The following BICC1 variants were observed in gnomAD, a reference collection of about 807,000 sequenced individuals.
BICC1 encodes BicC family RNA binding protein 1.
BICC1 carries 43 observed loss-of-function variants against 111.0 expected under a neutral mutation model. That is an observed-to-expected ratio of 0.39 (90% CI 0.30 to 0.50). The LOEUF (loss-of-function observed/expected upper bound fraction) is 0.50, where lower values mean the gene tolerates loss of function less well. BICC1 is among the 20% of genes least tolerant of loss of function. BICC1 has a pLI of 0.88. For synonymous variants in BICC1, 467 were observed against 434.4 expected (o/e 1.07, Z -0.93); for missense variants, 1,091 against 1,203.2 (o/e 0.91, Z 1.38).
chr10:58,751,724 T>C lies in BICC1; in HGVS notation c.308-33277T>C, dbSNP rs76224803. On this transcript the variant is annotated intron_variant, in intron 3 of 20. Coordinates refer to ENST00000373886, the MANE Select transcript of BICC1 (RefSeq NM_001080512.3). ...CTTTTATATTTTAATTTTTTCTTTA[T>C]TGAACCATTAAAAACTTCAAATTTT... 9.8e-5 allele frequency among the ~76,000 whole-genome samples: 15 copies of C among 152,298 alleles called. No homozygotes were observed. The East Asian group carries it at 2.5e-3, about 25-fold the overall frequency.
chr10:58,641,910 A>G (rs1838134465), intron 2 of BICC1, among the ~76,000 whole-genome samples: 2 of 152,236 alleles, frequency 1.3e-5, no homozygotes, highest in African/African-American at 4.8e-5. Context: ...TCACAGCAGT[A>G]TGAATGTACC....
intron 3 of BICC1, among the ~76,000 whole-genome samples, chr10:58,733,671 G>A (rs1042562549): frequency 1.3e-5 from 2 of 152,160 alleles, no homozygotes; most frequent in South Asian, 2.1e-4. Context: ...TTGCTTACCC[G>A]GCTTCTGAGA....
chr10:58,685,754 G>A (rs981568886), intron 2 of BICC1, among the ~76,000 whole-genome samples: 4 of 152,108 alleles, frequency 2.6e-5, no homozygotes, highest in Non-Finnish European at 5.9e-5. Flanking sequence ...TTGAGCCTAT[G>A]TGTGTCTCTG....
rs1311075154 is a variant in BICC1 at position 58,552,284 on chromosome 10, A to G, written c.190+38951A>G. Among the ~76,000 whole-genome samples, 4 of 152,006 alleles carry G rather than the reference A, an allele frequency of 2.6e-5. No homozygotes were observed. The East Asian group carries it at 7.7e-4, about 29-fold the overall frequency. ...TTATAGTTGCACAAATCTGTAGTTG[A>G]TATTTTCAAACTGTAATTACATTTT... On this transcript the variant is annotated intron_variant, in intron 1 of 20. Coordinates refer to ENST00000373886, the MANE Select transcript of BICC1 (RefSeq NM_001080512.3).
At chr10:58,614,734 G>A (rs1474250644) in intron 1 of BICC1, among the ~76,000 whole-genome samples, 1 of 152,138 alleles carries the variant, frequency 6.6e-6, no homozygotes, top group Non-Finnish European at 1.5e-5. Context: ...GACAAAGTGT[G>A]ATGTAATGAG....
chr10:58,749,444 C>T (rs1216353199), intron 3 of BICC1, among the ~76,000 whole-genome samples: 3 of 152,044 alleles, frequency 2.0e-5, no homozygotes, highest in Non-Finnish European at 4.4e-5. Flanking sequence ...CTGTCTCCTC[C>T]TTTGAGTCTG....
At chr10:58,710,640 G>A (rs1840544033) in intron 3 of BICC1, among the ~76,000 whole-genome samples, 1 of 152,104 alleles carries the variant, frequency 6.6e-6, no homozygotes, top group South Asian at 2.1e-4. Flanking sequence ...TTTTTGATAT[G>A]TCATTAAACA....
intron 2 of BICC1, among the ~76,000 whole-genome samples, chr10:58,680,010 A>G (rs1839467484): frequency 6.6e-6 from 1 of 152,244 alleles, no homozygotes; most frequent in Non-Finnish European, 1.5e-5. Flanking sequence ...AAAAACACTC[A>G]ATAAACTAGG....
chr10:58,783,976 C>T (rs946890656), intron 3 of BICC1, among the ~76,000 whole-genome samples: 1 of 152,096 alleles, frequency 6.6e-6, no homozygotes, highest in African/African-American at 2.4e-5. Flanking sequence ...GAGGCTTTGG[C>T]TCTGATATCT....
Position 58,583,675 on chromosome 10 carries a change from GGCATTTGA to G in BICC1, c.191-37177_191-37170del, listed in dbSNP as rs553534813. Among the ~76,000 whole-genome samples the G allele has an allele frequency of 1.6e-3, 240 of 150,820 alleles. 3 individuals carry two copies. The highest frequency in any genetic ancestry group is 5.6e-3 in the African/African-American group (231 of 41,042). ...TTCTTTATCCACTCATTGATTGATG[GGCATTTGA>G]GCTGATTCCATATTTTTGTAGTTGC... On this transcript the variant is annotated intron_variant, in intron 1 of 20. Transcript: ENST00000373886.
At chr10:58,652,775 G>T (rs1838490377) in intron 2 of BICC1, among the ~76,000 whole-genome samples, 1 of 152,120 alleles carries the variant, frequency 6.6e-6, no homozygotes, top group East Asian at 1.9e-4. Flanking sequence ...GTGGAATGTG[G>T]CTTCTTTTTA....
chr10:58,516,422 A>G (rs1896244), intron 1 of BICC1, among the ~76,000 whole-genome samples: 85,866 of 151,882 alleles, frequency 0.57, 26,068 homozygotes, highest in African/African-American at 0.8. Context: ...GATGATCATT[A>G]AAACTTAAAA....
rs764154292 is a variant in BICC1 at position 58,620,871 on chromosome 10, A to G, written c.207A>G (p.Lys69=). The G allele has an allele frequency of 3.2e-5, 51 of 1,613,412 alleles. No individual in the cohort carries two copies. The highest frequency in any genetic ancestry group is 8.3e-5 in the Admixed American group (5 of 59,922). Residue 69 remains lysine, a synonymous_variant, in exon 2 of 21, where the codon AAA becomes AAG. Transcript: ENST00000373886. ...TATTTACAGCTGCTGCTGAAGGGAA[A>G]GGCAGAAGTGGGGAAGACTTTTTTC... ...EAMLQAAAEG[K]GRSGEDFFQK...
chr10:58,562,055 GT>G (rs1843619584), intron 1 of BICC1, among the ~76,000 whole-genome samples: 7 of 151,934 alleles, frequency 4.6e-5, no homozygotes, highest in Middle Eastern at 3.2e-3. Context: ...TTCTCTCTTT[GT>G]TTTTGACTTT....
rs1364040551 is a variant in BICC1, at chr10:58,796,377, A to G, written c.1217A>G (p.Asn406Ser). 5.0e-6 allele frequency: 8 copies of G among 1,613,918 alleles called. No homozygotes were observed. Among genetic ancestry groups the G allele is most frequent in the Admixed American group, 3.3e-5 (2 of 59,998 alleles). ...IVKSVERNALNMYEARKCLLG... is the reference protein window; with the variant it reads ...IVKSVERNALSMYEARKCLLG... ...AAAAGTGTTGAGCGAAATGCCTTAA[A>G]TATGTATGAAGCAAGGAAATGTCTC... Residue 406 changes from asparagine to serine, a missense_variant, in exon 10 of 21, where the codon AAT becomes AGT. Asn to Ser is a conservative substitution (Grantham distance 46, BLOSUM62 1). This residue lies in a region of BICC1 where 843 missense variants were observed against 900.8 expected (regional missense o/e 0.94). Coordinates refer to ENST00000373886, the MANE Select transcript of BICC1 (RefSeq NM_001080512.3).
intron 1 of BICC1, among the ~76,000 whole-genome samples, chr10:58,615,283 A>G (rs1306591731): frequency 6.6e-6 from 1 of 152,216 alleles, no homozygotes; most frequent in South Asian, 2.1e-4. Flanking sequence ...CAGATAATTT[A>G]TTTGTAGAAA....
intron 2 of BICC1, among the ~76,000 whole-genome samples, chr10:58,670,042 G>GT (rs1367619050): frequency 2.0e-5 from 3 of 152,026 alleles, no homozygotes; most frequent in Non-Finnish European, 2.9e-5. Context: ...CTTGGTTAAA[G>GT]TTTTTTTAAC....
At chr10:58,523,643 C>G (rs1030296588) in intron 1 of BICC1, among the ~76,000 whole-genome samples, 1 of 152,102 alleles carries the variant, frequency 6.6e-6, no homozygotes, top group Non-Finnish European at 1.5e-5. Context: ...AAAACTGGCA[C>G]AAGACAGGGA....
intron 5 of BICC1, 120 bp downstream of exon 5, chr10:58,787,201 C>A: frequency 2.3e-6 from 2 of 877,484 alleles, no homozygotes; most frequent in Non-Finnish European, 3.3e-6. Flanking sequence ...AGATGACATA[C>A]AGTGTAGATT....
Sources: gnomAD v4.1 joint callset for allele counts (sites outside exome capture counted in the v4.1 genomes callset) on GRCh38, gnomAD v4.1.1 for gene constraint, gnomAD v4.1.1 regional missense constraint, MANE v1.5 for transcripts, NCBI Gene and HGNC (gene_info 2026-07-23, HGNC 2026-07-21) for gene names.